Variants in HDAC8 observed in about 807,000 individuals in gnomAD.
HDAC8 encodes the protein histone deacetylase 8, also known as histone deacetylase-like 1.
HDAC8 carries 1 observed loss-of-function variant against 32.2 expected under a neutral mutation model. That is an observed-to-expected ratio of 0.03 (90% CI 0.01 to 0.15). The LOEUF is 0.15. Among genes scored for constraint, HDAC8 ranks in the 10% least tolerant of loss-of-function variants. HDAC8 has a pLI of 1.00. For synonymous variants in HDAC8, 108 were observed against 113.9 expected, an observed-to-expected ratio of 0.95 and a Z score of 0.33; for missense variants, 117 against 300.0, an observed-to-expected ratio of 0.39 and a Z score of 4.51.
rs146788890 is a variant in HDAC8, at chrX:72,334,332, C to T, written c.1112-4256G>A. On this transcript the variant is annotated intron_variant, in intron 10 of 10. Transcript: ENST00000373573. ...TCTTGATCCTTTTTTCATTTTCTTA[C>T]TTTGAATCATGACATAAGTGTAAGA... Among the ~76,000 whole-genome samples, 137 of 112,221 alleles carry T rather than the reference C, an allele frequency of 1.2e-3. 3 individuals are homozygous for T. The East Asian group carries it at 0.028, about 23-fold the overall frequency.
chrX:72,486,153 A>C (rs1039055671), intron 7 of HDAC8, among the ~76,000 whole-genome samples: 2 of 112,200 alleles, frequency 1.8e-5, no homozygotes, highest in Non-Finnish European at 3.8e-5. Flanking sequence ...AAAAGAAGAT[A>C]GTAGATAAAC....
chrX:72,388,321 T>G, intron 9 of HDAC8, among the ~76,000 whole-genome samples: 1 of 109,523 alleles, frequency 9.1e-6, no homozygotes, highest in Non-Finnish European at 1.9e-5. Context: ...GGGATACCAG[T>G]CTAGATGCGC....
At chrX:72,429,022 T>C (rs1412074660) in intron 9 of HDAC8, among the ~76,000 whole-genome samples, 1 of 100,765 alleles carries the variant, frequency 9.9e-6, no homozygotes, top group Non-Finnish European at 2.0e-5. Flanking sequence ...TTTCTTTCTT[T>C]CTTTTTTTTT....
intron 9 of HDAC8, among the ~76,000 whole-genome samples, chrX:72,460,437 C>T (rs1287888550): frequency 3.6e-5 from 4 of 111,406 alleles, no homozygotes; most frequent in African/African-American, 1.3e-4. Context: ...CATGCCCGGC[C>T]GAGAACTTGC....
chrX:72,428,233 A>T (rs782436360), intron 9 of HDAC8, among the ~76,000 whole-genome samples: 1 of 112,176 alleles, frequency 8.9e-6, no homozygotes, highest in Non-Finnish European at 1.9e-5. Context: ...AGCCGGGATT[A>T]CAGGCATGCG....
At chrX:72,554,391 G>A (rs2051193613) in intron 4 of HDAC8, among the ~76,000 whole-genome samples, 1 of 109,781 alleles carries the variant, frequency 9.1e-6, no homozygotes, top group African/African-American at 3.3e-5. Flanking sequence ...CTGTAAGTTG[G>A]CTTGCTTTCT....
chrX:72,388,758 G>T (rs2045530957), intron 9 of HDAC8, among the ~76,000 whole-genome samples: 1 of 110,972 alleles, frequency 9.0e-6, no homozygotes. Flanking sequence ...GGTGAAGGGG[G>T]TAGCTGATCT....
intron 4 of HDAC8, among the ~76,000 whole-genome samples, chrX:72,538,387 T>C (rs1490247750): frequency 9.1e-6 from 1 of 110,384 alleles, no homozygotes; most frequent in African/African-American, 3.3e-5. Flanking sequence ...TTTTGCCATG[T>C]TGGCCAGGCT....
At chrX:72,437,906 T>C (rs1359024911) in intron 9 of HDAC8, among the ~76,000 whole-genome samples, 1 of 112,201 alleles carries the variant, frequency 8.9e-6, no homozygotes, top group African/African-American at 3.2e-5. Flanking sequence ...GGGGCGGCTG[T>C]GGGTGCAGCT....
At chrX:72,468,376 G>A (rs1450110652) in intron 7 of HDAC8, among the ~76,000 whole-genome samples, 1 of 111,098 alleles carries the variant, frequency 9.0e-6, no homozygotes, top group African/African-American at 3.3e-5. Context: ...CATTGGGAGG[G>A]CTAATTGACA....
At chrX:72,546,956 T>C (rs1397701896) in intron 4 of HDAC8, among the ~76,000 whole-genome samples, 1 of 111,582 alleles carries the variant, frequency 9.0e-6, no homozygotes, top group East Asian at 2.8e-4. Flanking sequence ...TAAATGTTCT[T>C]AATCTAAATG....
intron 10 of HDAC8, among the ~76,000 whole-genome samples, chrX:72,343,746 T>G (rs781992373): frequency 8.9e-6 from 1 of 112,352 alleles, no homozygotes; most frequent in Admixed American, 9.4e-5. Flanking sequence ...GCTCAAGCGA[T>G]CCTCCTTCCT....
rs189563381 is a variant in HDAC8, at chrX:72,383,727, G to A, written c.1006-31889C>T. Among the ~76,000 whole-genome samples, 777 of 109,712 alleles carry A rather than the reference G, an allele frequency of 7.1e-3. 8 individuals carry two copies. The highest frequency in any genetic ancestry group is 0.024 in the African/African-American group (715 of 30,105). The stretch of plus-strand genomic sequence containing the variant: ...CTACTAAAAACACAAAAAATTAGCC[G>A]GGCATGGTGGCGGGCACCTGTAGTT... On this transcript the variant is annotated intron_variant, in intron 9 of 10. Coordinates refer to ENST00000373573, the MANE Select transcript of HDAC8 (RefSeq NM_018486.3).
At chrX:72,445,617 G>A (rs2047364181) in intron 9 of HDAC8, among the ~76,000 whole-genome samples, 1 of 111,863 alleles carries the variant, frequency 8.9e-6, no homozygotes, top group Admixed American at 9.5e-5. Context: ...CAGGACATAG[G>A]CATGGGCAAG....
intron 4 of HDAC8, among the ~76,000 whole-genome samples, chrX:72,503,710 A>G (rs1279284258): frequency 8.9e-6 from 1 of 112,188 alleles, no homozygotes; most frequent in Non-Finnish European, 1.9e-5. Flanking sequence ...CCAGATCATG[A>G]TTAGAAACAT....
chrX:72,567,854 GAA>G, intron 4 of HDAC8, 33 bp downstream of exon 4: 1 of 1,210,890 alleles, frequency 8.3e-7, no homozygotes, highest in Non-Finnish European at 1.1e-6. Flanking sequence ...CTGACTCAAG[GAA>G]AGAGTCAGAA....
chrX:72,519,653 G>A (rs1272039868), intron 4 of HDAC8, among the ~76,000 whole-genome samples: 2 of 111,450 alleles, frequency 1.8e-5, no homozygotes, highest in East Asian at 2.8e-4. Context: ...GTAGTGGCAC[G>A]AACATGGCTT....
At chrX:72,488,627 G>A (rs999163858) in intron 7 of HDAC8, among the ~76,000 whole-genome samples, 2 of 111,530 alleles carry the variant, frequency 1.8e-5, no homozygotes, top group South Asian at 3.8e-4. Flanking sequence ...ACACATGTAG[G>A]TTTATTTAGC....
intron 4 of HDAC8, among the ~76,000 whole-genome samples, chrX:72,517,427 T>C (rs782058959): frequency 1.8e-5 from 2 of 111,830 alleles, no homozygotes; most frequent in East Asian, 5.6e-4. Context: ...CCCAAAAGCT[T>C]TTAGTTTTGA....
Sources: allele counts gnomAD v4.1 joint callset (sites outside exome capture counted in the v4.1 genomes callset), GRCh38; gene constraint gnomAD v4.1.1; transcripts MANE v1.5; gene names NCBI Gene and HGNC (gene_info 2026-07-23, HGNC 2026-07-21).